The following MECOM variants were observed in gnomAD, a reference collection of about 807,000 sequenced individuals.
The protein encoded by MECOM is histone-lysine N-methyltransferase MECOM.
Under a neutral mutation model 116.3 loss-of-function variants are expected in MECOM, and 13 were observed. The ratio of observed to expected loss-of-function variants is 0.11; its 90% CI spans 0.07 to 0.18. The LOEUF is 0.18. MECOM is among the 10% of genes least tolerant of loss of function. The probability of loss-of-function intolerance (pLI) is 1.00; values close to 1 mark genes in which losing one functional copy is unlikely to be tolerated. For synonymous variants in MECOM, 528 were observed against 535.2 expected (o/e 0.99, Z 0.19); for missense variants, 1,299 against 1,509.0 (o/e 0.86, Z 2.31).
At chr3:169,144,654 T>C (rs914679156) in intron 2 of MECOM, among the ~76,000 whole-genome samples, 1 of 152,176 alleles carries the variant, frequency 6.6e-6, no homozygotes, top group Admixed American at 6.5e-5. Context: ...GAAACTTCCA[T>C]TTTTAAGATC....
At chr3:169,551,466 C>G (rs187696451) in intron 1 of MECOM, among the ~76,000 whole-genome samples, 1 of 152,058 alleles carries the variant, frequency 6.6e-6, no homozygotes, top group African/African-American at 2.4e-5. Flanking sequence ...TTACGCAGTG[C>G]CCATCACAGG....
intron 2 of MECOM, chr3:169,144,931 G>T: frequency 1.5e-6 from 2 of 1,312,760 alleles, no homozygotes; most frequent in South Asian, 1.3e-5. Flanking sequence ...TGAGTACTGA[G>T]ACCAAAAGCA....
At chr3:169,585,260 C>A (rs1475276988) in intron 1 of MECOM, among the ~76,000 whole-genome samples, 1 of 152,156 alleles carries the variant, frequency 6.6e-6, no homozygotes, top group African/African-American at 2.4e-5. Flanking sequence ...AGATTGATGT[C>A]ATTACCTCTG....
At chr3:169,446,874 G>A (rs944825483) in intron 1 of MECOM, among the ~76,000 whole-genome samples, 3 of 152,154 alleles carry the variant, frequency 2.0e-5, no homozygotes, top group Non-Finnish European at 2.9e-5. Flanking sequence ...AGGATGGCTT[G>A]TTCAGGGGGT....
intron 2 of MECOM, among the ~76,000 whole-genome samples, chr3:169,353,916 CT>C (rs774726655): frequency 1.3e-5 from 2 of 151,796 alleles, no homozygotes; most frequent in African/African-American, 2.4e-5. Flanking sequence ...GCAGAATACA[CT>C]TTTTTTCCTA....
At chr3:169,280,660 A>G (rs1432781199) in intron 2 of MECOM, among the ~76,000 whole-genome samples, 2 of 152,196 alleles carry the variant, frequency 1.3e-5, no homozygotes, top group African/African-American at 4.8e-5. Context: ...GGACAGGTCA[A>G]ACTGTGAAGT....
intron 2 of MECOM, chr3:169,146,645 C>T (rs925072169): frequency 1.0e-5 from 14 of 1,361,040 alleles, no homozygotes; most frequent in Non-Finnish European, 1.4e-5. Context: ...AACGGTGCCC[C>T]GGCAGGAAAC....
At chr3:169,202,819 C>CAAAA (rs11287862) in intron 2 of MECOM, among the ~76,000 whole-genome samples, 13 of 90,254 alleles carry the variant, frequency 1.4e-4, no homozygotes, top group African/African-American at 3.0e-4. Flanking sequence ...TTGCCATTAG[C>CAAAA]AAAAAAAAAA....
At chr3:169,477,257 G>A (rs1750638205) in intron 1 of MECOM, among the ~76,000 whole-genome samples, 1 of 151,036 alleles carries the variant, frequency 6.6e-6, no homozygotes, top group South Asian at 2.1e-4. Context: ...CCTGTCAAAG[G>A]AGAACTCCAA....
chr3:169,314,675 CAG>C (rs1182209657), intron 2 of MECOM, among the ~76,000 whole-genome samples: 1 of 151,576 alleles, frequency 6.6e-6, no homozygotes, highest in Non-Finnish European at 1.5e-5. Flanking sequence ...GAGAATAAAA[CAG>C]AGACAGAAGG....
At chr3:169,085,143 G>A in intron 16 of MECOM, 100 bp from the exon 17 acceptor site, 2 of 1,427,422 alleles carry the variant, frequency 1.4e-6, no homozygotes, top group South Asian at 2.5e-5. Flanking sequence ...GGGACCCTGA[G>A]TAGGGGCATC....
intron 2 of MECOM, among the ~76,000 whole-genome samples, chr3:169,310,274 G>T (rs1718508653): frequency 6.6e-6 from 1 of 152,130 alleles, no homozygotes; most frequent in Non-Finnish European, 1.5e-5. Flanking sequence ...CCTATTATAT[G>T]TGATTCATGT....
At chr3:169,104,311 TA>T (rs1724601676) in intron 10 of MECOM, among the ~76,000 whole-genome samples, 1 of 152,236 alleles carries the variant, frequency 6.6e-6, no homozygotes, top group Non-Finnish European at 1.5e-5. Flanking sequence ...ACTTTGGATT[TA>T]TTTGTTAAAA....
intron 2 of MECOM, among the ~76,000 whole-genome samples, chr3:169,238,086 A>C (rs1167981642): frequency 6.6e-6 from 1 of 151,518 alleles, no homozygotes; most frequent in South Asian, 2.1e-4. Context: ...GAGGCAGGAG[A>C]ATCGCTTGAA....
chr3:169,367,148 A>C lies in MECOM; in HGVS notation c.375+14039T>G, dbSNP rs544070644. On this transcript the variant is annotated intron_variant, in intron 2 of 16. Transcript: ENST00000651503. ...TCTCTGTATGACTGAAAAAACAGAA[A>C]TGCAGAGTGCTGGATTATGAGGAGA... 2.6e-5 allele frequency among the ~76,000 whole-genome samples: 4 copies of C among 152,164 alleles called. No individual in the cohort carries two copies. In the South Asian group the frequency reaches 8.3e-4, roughly 32 times the overall value.
At chr3:169,637,585 T>C (rs1294494168) in intron 1 of MECOM, among the ~76,000 whole-genome samples, 2 of 152,202 alleles carry the variant, frequency 1.3e-5, no homozygotes, top group Non-Finnish European at 2.9e-5. Context: ...AACTGAGCTC[T>C]CTGGCACTGT....
At chr3:169,370,432 G>A (rs1386263681) in intron 2 of MECOM, among the ~76,000 whole-genome samples, 1 of 151,846 alleles carries the variant, frequency 6.6e-6, no homozygotes, top group Non-Finnish European at 1.5e-5. Context: ...ACAGAGAAAA[G>A]TATAGGAGAA....
At chr3:169,207,151 C>T (rs1559992482) in intron 2 of MECOM, among the ~76,000 whole-genome samples, 1 of 130,556 alleles carries the variant, frequency 7.7e-6, no homozygotes, top group Non-Finnish European at 1.6e-5. Context: ...AAAGGTGTTC[C>T]TAAAATAGCT....
chr3:169,563,337 C>A (rs1762872539), intron 1 of MECOM, among the ~76,000 whole-genome samples: 1 of 152,224 alleles, frequency 6.6e-6, no homozygotes, highest in Non-Finnish European at 1.5e-5. Flanking sequence ...ACAACTGTAA[C>A]TGGCCTGCGC....
Sources: allele counts gnomAD v4.1 joint callset (sites outside exome capture counted in the v4.1 genomes callset), GRCh38; gene constraint gnomAD v4.1.1; transcripts MANE v1.5; gene names NCBI Gene and HGNC (gene_info 2026-07-23, HGNC 2026-07-21).